The following OR14A2 variants were observed in gnomAD, a reference collection of about 807,000 sequenced individuals.
OR14A2 encodes the protein olfactory receptor family 14 subfamily A member 2.
For missense variants in OR14A2, 237 were observed against 152.9 expected, an observed-to-expected ratio of 1.55 and a Z score of -2.90; for synonymous variants, 114 against 58.6, an observed-to-expected ratio of 1.95 and a Z score of -4.32.
At chr1:247,734,251 A>G in the OR14A2 span, among the ~76,000 whole-genome samples, 2 of 152,180 alleles carry the variant, frequency 1.3e-5, no homozygotes, top group Non-Finnish European at 2.9e-5. Flanking sequence ...CACAGAGACG[A>G]CCAGAGGAAG....
upstream of OR14A2, among the ~76,000 whole-genome samples, chr1:247,729,031 C>T (rs1660457187): frequency 6.6e-6 from 1 of 152,064 alleles, no homozygotes; most frequent in South Asian, 2.1e-4. Context: ...ATGCATACTA[C>T]CACAATGAGG....
chr1:247,741,846 G>A, the OR14A2 span, among the ~76,000 whole-genome samples: 72 of 152,142 alleles, frequency 4.7e-4, no homozygotes, highest in Middle Eastern at 3.4e-3. Flanking sequence ...CTTACTTTAC[G>A]AAACGTTCAT....
chr1:247,724,070 G>A (rs1365853100), upstream of OR14A2: 4 of 656,874 alleles, frequency 6.1e-6, no homozygotes, highest in Non-Finnish European at 8.3e-6. Flanking sequence ...TGCCTGTCAA[G>A]GTGAGAAAAT....
chr1:247,737,494 C>T, the OR14A2 span, among the ~76,000 whole-genome samples: 12,162 of 152,234 alleles, frequency 0.08, 605 homozygotes, highest in African/African-American at 0.14. Context: ...TATAGCTCAA[C>T]ATGAGCAAGT....
chr1:247,745,059 C>T, the OR14A2 span, among the ~76,000 whole-genome samples: 3 of 152,098 alleles, frequency 2.0e-5, no homozygotes, highest in Non-Finnish European at 4.4e-5. Context: ...TGTTATTGCA[C>T]TTCAATGCGT....
the OR14A2 span, chr1:247,738,765 C>T: frequency 2.6e-6 from 2 of 780,776 alleles, no homozygotes; most frequent in African/African-American, 1.7e-5. Context: ...GATTCTGGAC[C>T]ATCGTCTCCA....
chr1:247,739,071 T>A, the OR14A2 span: 1 of 780,706 alleles, frequency 1.3e-6, no homozygotes, highest in African/African-American at 1.7e-5. Flanking sequence ...CAGAGGGGCC[T>A]TGGGACTCTT....
At chr1:247,724,544 G>A (rs993947938), upstream of OR14A2, among the ~76,000 whole-genome samples, 16 of 152,072 alleles carry the variant, frequency 1.1e-4, no homozygotes, top group African/African-American at 3.9e-4. Flanking sequence ...CAGATGTATT[G>A]AATAATCTAA....
chr1:247,745,376 A>G, the OR14A2 span, among the ~76,000 whole-genome samples: 3 of 148,356 alleles, frequency 2.0e-5, no homozygotes, highest in East Asian at 5.8e-4. Context: ...TTAAAAAAAA[A>G]GATGGTAGCT....
the OR14A2 span, among the ~76,000 whole-genome samples, chr1:247,737,017 G>A: frequency 4.6e-5 from 7 of 152,076 alleles, no homozygotes; most frequent in Admixed American, 6.6e-5. Context: ...GGCTTGTCTC[G>A]AATTCCTGGC....
the OR14A2 span, among the ~76,000 whole-genome samples, chr1:247,747,244 T>C: frequency 6.6e-6 from 1 of 152,254 alleles, no homozygotes; most frequent in African/African-American, 2.4e-5. Context: ...ACTCCAAGCC[T>C]AGGCATCAAA....
chr1:247,736,252 G>A, the OR14A2 span, among the ~76,000 whole-genome samples: 1 of 145,154 alleles, frequency 6.9e-6, no homozygotes, highest in Non-Finnish European at 1.5e-5. Context: ...AAAATTTGTT[G>A]TTAATATGAT....
chr1:247,747,831 A>C, the OR14A2 span, among the ~76,000 whole-genome samples: 1 of 152,290 alleles, frequency 6.6e-6, no homozygotes, highest in South Asian at 2.1e-4. Context: ...CTAGAAAGCC[A>C]AACCATGGCT....
At chr1:247,747,015 A>G in the OR14A2 span, 2 of 152,232 alleles carry the variant, frequency 1.3e-5, no homozygotes, top group African/African-American at 2.4e-5. Flanking sequence ...GTAAGCCTAG[A>G]AATATTTTCA....
chr1:247,744,709 A>G, the OR14A2 span, among the ~76,000 whole-genome samples: 1 of 152,146 alleles, frequency 6.6e-6, no homozygotes, highest in Non-Finnish European at 1.5e-5. The surrounding 1 kb of genome is among the most constrained non-coding windows in gnomAD (Gnocchi z 4.3). Context: ...TGTTCTTTTT[A>G]AATCTAACCT....
Position 247,723,832 on chromosome 1 carries a change from AG to A in OR14A2, c.211del (p.Leu71TrpfsTer14). On this transcript the variant is annotated frameshift_variant, in exon 1 of 1. Coordinates refer to ENST00000366485, the Ensembl canonical transcript of OR14A2. LOFTEE classifies it low-confidence loss of function (END_TRUNC). ...GAATTTTGGGATTGGAACAGACACC[AG>A]GAAGACATCCAAAAAGGATAAGTTC... 1 of 718,056 alleles carries A rather than the reference AG, an allele frequency of 1.4e-6. No individual in the cohort carries two copies. The highest frequency in any genetic ancestry group is 1.5e-5 in the South Asian group (1 of 67,580). The allele number at this position is 718,056 out of a possible 1,614,324, so 44.5% of individuals were successfully genotyped here. A position where few individuals can be genotyped will look rare whatever the true frequency, so the allele number is the denominator to read the frequency against.
At chr1:247,742,713 C>A in the OR14A2 span, among the ~76,000 whole-genome samples, 1 of 152,040 alleles carries the variant, frequency 6.6e-6, no homozygotes, top group Non-Finnish European at 1.5e-5. Flanking sequence ...TTTGATTTTT[C>A]CATTTACAAA....
chr1:247,741,850 C>T, the OR14A2 span, among the ~76,000 whole-genome samples: 1 of 152,294 alleles, frequency 6.6e-6, no homozygotes, highest in South Asian at 2.1e-4. Flanking sequence ...CTTTACGAAA[C>T]GTTCATTGTA....
At chr1:247,727,658 A>G (rs1168764161), upstream of OR14A2, among the ~76,000 whole-genome samples, 1 of 148,602 alleles carries the variant, frequency 6.7e-6, no homozygotes, top group East Asian at 2.0e-4. Flanking sequence ...AGGATCAACA[A>G]AATTGATAGA....
Sources: allele counts gnomAD v4.1 joint callset (sites outside exome capture counted in the v4.1 genomes callset), GRCh38; gene constraint gnomAD v4.1.1; non-coding constraint Gnocchi (gnomAD v3.1); transcripts MANE v1.5; gene names NCBI Gene and HGNC (gene_info 2026-07-23, HGNC 2026-07-21).